The following HS3ST4 variants were observed in gnomAD, a reference collection of about 807,000 sequenced individuals.
HS3ST4 encodes the protein heparan sulfate glucosamine 3-O-sulfotransferase 4.
Under a neutral mutation model 29.2 loss-of-function variants are expected in HS3ST4, and 17 were observed. The observed-to-expected ratio is 0.58, with a 90% CI of 0.40 to 0.87. The LOEUF is 0.87. Among genes scored for constraint, HS3ST4 ranks in the 40% least tolerant of loss-of-function variants. The pLI is 0.00. For missense variants in HS3ST4, 627 were observed against 634.5 expected (o/e 0.99, Z 0.13); for synonymous variants, 314 against 285.7 (o/e 1.10, Z -1.00).
intron 1 of HS3ST4, among the ~76,000 whole-genome samples, chr16:26,005,363 C>T (rs1969248426): frequency 1.3e-5 from 2 of 152,082 alleles, no homozygotes; most frequent in South Asian, 2.1e-4. Flanking sequence ...GTGTATTTAG[C>T]GCTGGGCTTT....
At chr16:25,969,308 C>T (rs528270116) in intron 1 of HS3ST4, among the ~76,000 whole-genome samples, 64 of 152,292 alleles carry the variant, frequency 4.2e-4, no homozygotes, top group African/African-American at 1.5e-3. Context: ...TGGGGCAGTT[C>T]CCTGGCTGGA....
intron 1 of HS3ST4, among the ~76,000 whole-genome samples, chr16:25,850,111 T>A (rs1967503204): frequency 6.6e-6 from 1 of 151,756 alleles, no homozygotes; most frequent in Non-Finnish European, 1.5e-5. Context: ...GCAATTCTCC[T>A]GCCTCAGTCT....
intron 1 of HS3ST4, among the ~76,000 whole-genome samples, chr16:25,989,855 T>TA (rs1215098725): frequency 6.6e-6 from 1 of 152,234 alleles, no homozygotes; most frequent in Non-Finnish European, 1.5e-5. Context: ...AGGGTCGCTA[T>TA]AAAGTAGTCA....
chr16:25,954,240 G>C (rs575857412), intron 1 of HS3ST4, among the ~76,000 whole-genome samples: 86 of 152,274 alleles, frequency 5.6e-4, no homozygotes, highest in African/African-American at 2.0e-3. Flanking sequence ...CCAGTGTTCA[G>C]TTTTCTGTCA....
chr16:25,977,661 C>T (rs373587251), intron 1 of HS3ST4, among the ~76,000 whole-genome samples: 4 of 152,338 alleles, frequency 2.6e-5, no homozygotes, highest in South Asian at 2.1e-4. Flanking sequence ...ATTAACACTA[C>T]AGCAAGTTGG....
At chr16:26,019,115 G>A (rs549862426) in intron 1 of HS3ST4, among the ~76,000 whole-genome samples, 16 of 152,152 alleles carry the variant, frequency 1.1e-4, no homozygotes, top group Admixed American at 9.8e-4. Context: ...AGTGGATGCT[G>A]CCAGTTACTC....
At chr16:25,713,679 A>G (rs1180149523) in intron 1 of HS3ST4, among the ~76,000 whole-genome samples, 2 of 152,204 alleles carry the variant, frequency 1.3e-5, no homozygotes, top group Non-Finnish European at 2.9e-5. Flanking sequence ...CAGGTTGGCC[A>G]TTCCATGGCT....
At chr16:26,013,348 C>T (rs1969329411) in intron 1 of HS3ST4, among the ~76,000 whole-genome samples, 1 of 152,080 alleles carries the variant, frequency 6.6e-6, no homozygotes, top group Admixed American at 6.6e-5. Context: ...AATGCCTTTG[C>T]CTTAATTTCC....
Position 26,119,289 on chromosome 16 carries a change from T to G in HS3ST4, c.735-16323T>G, listed in dbSNP as rs532047962. 1.3e-3 allele frequency among the ~76,000 whole-genome samples: 193 copies of G among 152,258 alleles called. 2 individuals are homozygous for G. The highest frequency in any genetic ancestry group is 9.3e-3 in the South Asian group (45 of 4,816). ...TTTAGAGGAACAAGACAGGGAGAGA[T>G]GGGCCATTAGAGCAGTCAAGGCTGG... On this transcript the variant is annotated intron_variant, in intron 1 of 1. Transcript: ENST00000331351.
intron 1 of HS3ST4, among the ~76,000 whole-genome samples, chr16:26,088,493 A>C (rs1340947947): frequency 6.6e-6 from 1 of 152,156 alleles, no homozygotes; most frequent in Non-Finnish European, 1.5e-5. Context: ...GTTGAGGCGA[A>C]TGGTTGGTTA....
intron 1 of HS3ST4, among the ~76,000 whole-genome samples, chr16:25,748,888 T>C (rs1179857137): frequency 1.3e-5 from 2 of 152,226 alleles, no homozygotes; most frequent in African/African-American, 4.8e-5. Flanking sequence ...ATTTCTTAGA[T>C]TCAGTACAGC....
At chr16:25,780,085 C>A (rs533897205) in intron 1 of HS3ST4, among the ~76,000 whole-genome samples, 1 of 152,196 alleles carries the variant, frequency 6.6e-6, no homozygotes, top group Non-Finnish European at 1.5e-5. Flanking sequence ...TTATTCTCCA[C>A]TTGATTCACT....
chr16:25,761,410 T>G (rs1257500656), intron 1 of HS3ST4, among the ~76,000 whole-genome samples: 2 of 152,188 alleles, frequency 1.3e-5, no homozygotes, highest in Non-Finnish European at 2.9e-5. Flanking sequence ...GAAGAGTTAA[T>G]AAATTTACAT....
chr16:25,731,891 AT>A (rs1966572017), intron 1 of HS3ST4, among the ~76,000 whole-genome samples: 1 of 152,188 alleles, frequency 6.6e-6, no homozygotes. Flanking sequence ...TAATAGAAAG[AT>A]TTGCTTTTCT....
chr16:26,131,434 A>T (rs367782403), intron 1 of HS3ST4, among the ~76,000 whole-genome samples: 1 of 151,906 alleles, frequency 6.6e-6, no homozygotes, highest in Admixed American at 6.6e-5. Context: ...CTATTTTCTG[A>T]CTCTCTTACC....
intron 1 of HS3ST4, among the ~76,000 whole-genome samples, chr16:25,918,201 C>T (rs1051537487): frequency 6.6e-6 from 1 of 152,142 alleles, no homozygotes; most frequent in Non-Finnish European, 1.5e-5. Flanking sequence ...TGTAATAAAA[C>T]AGTATGCTGC....
chr16:25,950,807 C>T (rs1396948796), intron 1 of HS3ST4, among the ~76,000 whole-genome samples: 1 of 152,002 alleles, frequency 6.6e-6, no homozygotes, highest in Non-Finnish European at 1.5e-5. Context: ...TGCAATAAGC[C>T]CCACCTCCGG....
chr16:25,864,033 G>GCA (rs1967666471), intron 1 of HS3ST4, among the ~76,000 whole-genome samples: 1 of 119,842 alleles, frequency 8.3e-6, no homozygotes, highest in Non-Finnish European at 2.0e-5. Context: ...GCCTCTTCGC[G>GCA]TGGGCATCCT....
intron 1 of HS3ST4, among the ~76,000 whole-genome samples, chr16:25,921,681 G>T (rs1202110844): frequency 6.6e-6 from 1 of 151,958 alleles, no homozygotes; most frequent in African/African-American, 2.4e-5. Context: ...AGATGTGAAG[G>T]AACCCAACAA....
Sources: allele counts gnomAD v4.1 joint callset (sites outside exome capture counted in the v4.1 genomes callset), GRCh38; gene constraint gnomAD v4.1.1; transcripts MANE v1.5; gene names NCBI Gene and HGNC (gene_info 2026-07-23, HGNC 2026-07-21).